The following PTPRD variants were observed in gnomAD, a reference collection of about 807,000 sequenced individuals.
PTPRD encodes protein tyrosine phosphatase receptor type D.
A neutral mutation model predicts 214.5 loss-of-function variants in PTPRD; 34 were observed. That is an observed-to-expected ratio of 0.16 (90% confidence interval 0.12 to 0.21). The LOEUF is 0.21. PTPRD is among the 10% of genes least tolerant of loss of function. The pLI is 1.00. For missense variants in PTPRD, 2,545 were observed against 2,398.7 expected (o/e 1.06, Z -1.27); for synonymous variants, 1,128 against 845.7 (o/e 1.33, Z -5.79).
In PTPRD at chr9:8,327,025, T is replaced by TATC. The variant is rs1243399165; in HGVS notation, c.5534+4554_5534+4556dup. 4.1e-5 allele frequency among the ~76,000 whole-genome samples: 6 copies of TATC among 146,654 alleles called. No homozygotes were observed. The East Asian group carries it at 1.3e-3, about 32-fold the overall frequency. On this transcript the variant is annotated intron_variant, in intron 44 of 45. Coordinates refer to ENST00000381196, the MANE Select transcript of PTPRD (RefSeq NM_002839.4). ...TTTTTTGAAGGGTTTTTCGTGTCTCTATCTCCTTCAGTTCTGTAGTGTTCT... is the reference window on the plus strand; with the variant it reads ...TTTTTTGAAGGGTTTTTCGTGTCTCTATCATCTCCTTCAGTTCTGTAGTGTTCT...
At chr9:9,590,181 G>C (rs1224219554) in intron 7 of PTPRD, among the ~76,000 whole-genome samples, 1 of 151,870 alleles carries the variant, frequency 6.6e-6, no homozygotes, top group Non-Finnish European at 1.5e-5. Flanking sequence ...TTACATATTA[G>C]GATCATACAG....
intron 4 of PTPRD, among the ~76,000 whole-genome samples, chr9:9,978,990 A>C (rs1273239047): frequency 6.6e-6 from 1 of 152,108 alleles, no homozygotes; most frequent in Non-Finnish European, 1.5e-5. Context: ...ACATCTTTCA[A>C]GTACTAAAAG....
At position 9,789,833 on chromosome 9, in the gene PTPRD, G is replaced by C. The variant is rs570538468; in HGVS notation, c.-367-22982C>G. Reference sequence around the variant, plus strand: ...AAAAAAAAAAAAAAAAAATTAAATCGAGTCGTAATTTATCAGGACAAGTGC... The same window carrying C: ...AAAAAAAAAAAAAAAAAATTAAATCCAGTCGTAATTTATCAGGACAAGTGC... On this transcript the variant is annotated intron_variant, in intron 5 of 45. Transcript: ENST00000381196. 3.5e-5 allele frequency among the ~76,000 whole-genome samples: 5 copies of C among 142,216 alleles called. No individual in the cohort carries two copies. The East Asian group carries it at 1.0e-3, about 28-fold the overall frequency. The allele number at this position is 142,216 out of a possible 152,430, so 93.3% of individuals were successfully genotyped here.
rs185375831 is a variant in PTPRD, at chr9:10,219,478, C to T, written c.-545+121485G>A. Among the ~76,000 whole-genome samples, 39 of 151,694 alleles carry T rather than the reference C, an allele frequency of 2.6e-4. No individual in the cohort carries two copies. In the East Asian group the frequency reaches 3.7e-3, roughly 14 times the overall value. ...ATTGGGTTTACCCCCTTCTGATTTA[C>T]GAGCAAAGGAATGTAATTTAAATTC... On this transcript the variant is annotated intron_variant, in intron 3 of 45. Transcript: ENST00000381196.
intron 7 of PTPRD, among the ~76,000 whole-genome samples, chr9:9,643,915 A>C (rs2154367909): frequency 6.6e-6 from 1 of 152,324 alleles, no homozygotes; most frequent in East Asian, 1.9e-4. Flanking sequence ...GAATTATGTC[A>C]GTTATACTCA....
intron 8 of PTPRD, among the ~76,000 whole-genome samples, chr9:9,473,811 A>C (rs561059121): frequency 1.0e-5 from 1 of 98,328 alleles, no homozygotes; most frequent in East Asian, 2.9e-4. Flanking sequence ...TGTCCGTTTT[A>C]AAATCTTTTT....
chr9:8,712,985 C>T (rs2098376094), intron 12 of PTPRD, among the ~76,000 whole-genome samples: 1 of 152,196 alleles, frequency 6.6e-6, no homozygotes, highest in African/African-American at 2.4e-5. Context: ...TCCCAAAGTG[C>T]TGGGATTATA....
chr9:8,913,172 C>T (rs1006009538), intron 11 of PTPRD, among the ~76,000 whole-genome samples: 1 of 151,822 alleles, frequency 6.6e-6, no homozygotes. Flanking sequence ...TTACCTGGCA[C>T]ATGTAGTAAA....
At chr9:9,853,092 G>A (rs1371435269) in intron 5 of PTPRD, among the ~76,000 whole-genome samples, 1 of 152,166 alleles carries the variant, frequency 6.6e-6, no homozygotes, top group African/African-American at 2.4e-5. Context: ...TTATTTAAAT[G>A]TACCCTATGA....
intron 33 of PTPRD, among the ~76,000 whole-genome samples, chr9:8,457,688 A>G (rs1023583431): frequency 1.3e-5 from 2 of 152,132 alleles, no homozygotes; most frequent in African/African-American, 4.8e-5. Flanking sequence ...AGAAGCAGAG[A>G]TATATGATAA....
intron 12 of PTPRD, among the ~76,000 whole-genome samples, chr9:8,675,572 C>T (rs1471048876): frequency 1.4e-5 from 2 of 143,736 alleles, no homozygotes; most frequent in Non-Finnish European, 3.0e-5. Flanking sequence ...AACCTCACGC[C>T]TGGCAATCCT....
intron 7 of PTPRD, among the ~76,000 whole-genome samples, chr9:9,587,506 C>T (rs1563882211): frequency 6.6e-6 from 1 of 152,080 alleles, no homozygotes; most frequent in Admixed American, 6.6e-5. Context: ...AATTGAAGTG[C>T]CCACTATGGT....
rs531204378 is a variant in PTPRD, at chr9:9,782,000, A to G, written c.-367-15149T>C. Among the ~76,000 whole-genome samples, 4 of 151,972 alleles carry G rather than the reference A, an allele frequency of 2.6e-5. No individual in the cohort carries two copies. The South Asian group carries it at 6.2e-4, about 24-fold the overall frequency. On this transcript the variant is annotated intron_variant, in intron 5 of 45. Coordinates refer to ENST00000381196, the MANE Select transcript of PTPRD (RefSeq NM_002839.4). ...GTAGAGGTGGGGTTTCACCGTGTTAACCAGGATGGTCTCGATCTCCTGACC... is the reference window on the plus strand; with the variant it reads ...GTAGAGGTGGGGTTTCACCGTGTTAGCCAGGATGGTCTCGATCTCCTGACC...
chr9:9,349,766 T>G (rs1040682973), intron 9 of PTPRD, among the ~76,000 whole-genome samples: 3 of 152,028 alleles, frequency 2.0e-5, no homozygotes, highest in African/African-American at 7.2e-5. Flanking sequence ...TGTTTTTTTT[T>G]TGTGCTATAA....
chr9:9,068,993 T>C (rs1355453490), intron 10 of PTPRD, among the ~76,000 whole-genome samples: 3 of 152,202 alleles, frequency 2.0e-5, no homozygotes, highest in East Asian at 3.9e-4. Flanking sequence ...TTGTCTTCAA[T>C]TCTGTAGTAA....
At chr9:8,510,907 C>A (rs62534044) in intron 21 of PTPRD, among the ~76,000 whole-genome samples, 1 of 151,942 alleles carries the variant, frequency 6.6e-6, no homozygotes, top group Admixed American at 6.6e-5. Flanking sequence ...TTCTCTGGAA[C>A]ACTTGAGACA....
chr9:9,001,191 G>C (rs1009356194), intron 11 of PTPRD, among the ~76,000 whole-genome samples: 3 of 151,890 alleles, frequency 2.0e-5, no homozygotes, highest in Admixed American at 2.0e-4. Flanking sequence ...TATATATGAA[G>C]TACTGTTCTA....
intron 2 of PTPRD, among the ~76,000 whole-genome samples, chr9:10,341,235 C>T (rs10809070): frequency 6.6e-6 from 1 of 151,808 alleles, no homozygotes; most frequent in East Asian, 1.9e-4. Flanking sequence ...AATTGTAACA[C>T]TTAATCAGTT....
In PTPRD at chr9:8,929,887, G is replaced by GCA. The variant is rs371759571; in HGVS notation, c.-104+88809_-104+88810insTG. 4.7e-4 allele frequency among the ~76,000 whole-genome samples: 48 copies of GCA among 102,206 alleles called. 2 individuals are homozygous for GCA. The East Asian group carries it at 9.8e-3, about 21-fold the overall frequency. The allele number at this position is 102,206 out of a possible 152,430, so 67.1% of individuals were successfully genotyped here. ...TATACATGTGTGTGTATATATGTGT[G>GCA]TGTATATATATGTGTATATATATGT... On this transcript the variant is annotated intron_variant, in intron 11 of 45. Transcript: ENST00000381196.
Sources: allele counts gnomAD v4.1 joint callset (sites outside exome capture counted in the v4.1 genomes callset), GRCh38; gene constraint gnomAD v4.1.1; transcripts MANE v1.5; gene names NCBI Gene and HGNC (gene_info 2026-07-23, HGNC 2026-07-21).